MYO10: variants seen among roughly 807,000 people sequenced by gnomAD.
MYO10 encodes unconventional myosin-X.
In MYO10, 133 loss-of-function variants were observed where a neutral mutation model predicts 257.3. The ratio of observed to expected loss-of-function variants is 0.52; its 90% CI spans 0.45 to 0.60. The LOEUF (loss-of-function observed/expected upper bound fraction) is 0.60. MYO10 is among the 20% of genes least tolerant of loss of function. The probability of loss-of-function intolerance (pLI) is 0.00; values close to 1 mark genes in which losing one functional copy is unlikely to be tolerated. For synonymous variants in MYO10, 1,104 were observed against 1,028.6 expected (o/e 1.07, Z -1.40); for missense variants, 2,399 against 2,635.7 (o/e 0.91, Z 1.97).
intron 19 of MYO10, among the ~76,000 whole-genome samples, chr5:16,736,751 G>C (rs1040976752): frequency 1.3e-5 from 2 of 152,156 alleles, no homozygotes; most frequent in Non-Finnish European, 2.9e-5. Context: ...AGAAGAAAAA[G>C]AATGTGGTAG....
At chr5:16,757,106 G>A (rs140096072) in intron 18 of MYO10, among the ~76,000 whole-genome samples, 64 of 140,860 alleles carry the variant, frequency 4.5e-4, no homozygotes, top group Admixed American at 1.0e-3. Flanking sequence ...GTGACAGAGC[G>A]AGACTCTGCC....
At chr5:16,872,416 G>A (rs12152886) in intron 2 of MYO10, among the ~76,000 whole-genome samples, 1 of 152,014 alleles carries the variant, frequency 6.6e-6, no homozygotes, top group African/African-American at 2.4e-5. Context: ...TAGAGTTTCA[G>A]TGCTGCAAGA....
intron 2 of MYO10, among the ~76,000 whole-genome samples, chr5:16,871,136 A>G (rs1051563991): frequency 6.6e-6 from 1 of 152,196 alleles, no homozygotes; most frequent in Admixed American, 6.5e-5. Flanking sequence ...CAAACGTTTC[A>G]TCTTCCAAAA....
At chr5:16,844,408 C>T (rs547870660) in intron 2 of MYO10, among the ~76,000 whole-genome samples, 38 of 150,590 alleles carry the variant, frequency 2.5e-4, no homozygotes, top group South Asian at 1.5e-3. Flanking sequence ...TGGCTCTTCT[C>T]TTTTCATTTT....
At chr5:16,848,839 C>T (rs531298228) in intron 2 of MYO10, among the ~76,000 whole-genome samples, 1 of 152,282 alleles carries the variant, frequency 6.6e-6, no homozygotes, top group Non-Finnish European at 1.5e-5. Context: ...CTCTTCACAG[C>T]ACCTACATAA....
In MYO10 at chr5:16,868,333, G is replaced by GGT. The variant is rs1744344432; in HGVS notation, c.120+9274_120+9275dup. The stretch of plus-strand genomic sequence containing the variant: ...AAAAATCTGCTCTTCAGCTGGGCAC[G>GGT]GTGGCTCATGTCTGTAATCCCAGCA... On this transcript the variant is annotated intron_variant, in intron 2 of 40. Transcript: ENST00000513610. Among the ~76,000 whole-genome samples, 3 of 152,156 alleles carry GGT rather than the reference G, an allele frequency of 2.0e-5. No individual in the cohort carries two copies. The South Asian group carries it at 6.2e-4, about 32-fold the overall frequency.
At chr5:16,749,991 T>C (rs1740334856) in intron 19 of MYO10, among the ~76,000 whole-genome samples, 1 of 152,132 alleles carries the variant, frequency 6.6e-6, no homozygotes, top group Non-Finnish European at 1.5e-5. Context: ...TTTTCTATCT[T>C]AGAGAAATCT....
chr5:16,703,239 C>A lies in MYO10; in HGVS notation c.2277-81G>T, dbSNP rs1458394099. On this transcript the variant is annotated intron_variant, in intron 22 of 40. Coordinates refer to ENST00000513610, the MANE Select transcript of MYO10 (RefSeq NM_012334.3). ...TTCAAATGAGCTCACATCAAGGCTA[C>A]AAGACAAAAGAGGACCCAGTTTTAG... 3 of 1,121,130 alleles carry A rather than the reference C, an allele frequency of 2.7e-6. No homozygotes were observed. In the Admixed American group the frequency reaches 7.6e-5, roughly 28 times the overall value. 69.4% of individuals were successfully genotyped at this position (1,121,130 alleles called of 1,614,324 possible).
At chr5:16,712,132 G>A (rs1175217523) in intron 19 of MYO10, among the ~76,000 whole-genome samples, 2 of 139,300 alleles carry the variant, frequency 1.4e-5, no homozygotes, top group Admixed American at 7.2e-5. Context: ...TGGGGATGGG[G>A]AAGGGGAGAT....
At chr5:16,870,665 G>C (rs1744427620) in intron 2 of MYO10, among the ~76,000 whole-genome samples, 1 of 152,096 alleles carries the variant, frequency 6.6e-6, no homozygotes, top group Non-Finnish European at 1.5e-5. Context: ...GGCCAAGGCG[G>C]GTGAATCATC....
At chr5:16,703,540 A>G (rs1738184260) in intron 22 of MYO10, among the ~76,000 whole-genome samples, 1 of 152,150 alleles carries the variant, frequency 6.6e-6, no homozygotes, top group South Asian at 2.1e-4. Context: ...TGTAACACGT[A>G]GTGTTTCACG....
chr5:16,742,005 G>A (rs1352240810), intron 19 of MYO10: 90 of 985,240 alleles, frequency 9.1e-5, no homozygotes, highest in East Asian at 1.1e-4. Flanking sequence ...CCAGCCTGGC[G>A]AGGCTGACGT....
intron 1 of MYO10, among the ~76,000 whole-genome samples, chr5:16,878,656 A>G (rs1320284593): frequency 6.6e-6 from 1 of 152,206 alleles, no homozygotes; most frequent in African/African-American, 2.4e-5. Flanking sequence ...TCAGCCATAA[A>G]AAGGAATGAA....
chr5:16,888,582 C>T lies in MYO10; in HGVS notation c.22-10875G>A, dbSNP rs561069419. Among the ~76,000 whole-genome samples the T allele has an allele frequency of 9.3e-5, 14 of 150,706 alleles. 1 individual carries two copies. The highest frequency in any genetic ancestry group is 3.4e-4 in the African/African-American group (14 of 40,702). ...TGCACTCCAGCCTGAACAACAAGAG[C>T]GAGACTCCGTCTCAAAAGGAAAAAA... On this transcript the variant is annotated intron_variant, in intron 1 of 40. Transcript: ENST00000513610.
At chr5:16,913,804 C>T (rs1745738880) in intron 1 of MYO10, among the ~76,000 whole-genome samples, 1 of 152,112 alleles carries the variant, frequency 6.6e-6, no homozygotes, top group Admixed American at 6.5e-5. Context: ...CCAAGAACAA[C>T]AGGCCAGGCA....
intron 4 of MYO10, among the ~76,000 whole-genome samples, chr5:16,791,535 A>T (rs1254072909): frequency 2.9e-5 from 3 of 105,118 alleles, no homozygotes; most frequent in Non-Finnish European, 5.7e-5. Context: ...CTTCCGTTTT[A>T]ATACATACAT....
At chr5:16,824,056 C>G (rs1435252287) in intron 2 of MYO10, among the ~76,000 whole-genome samples, 1 of 152,016 alleles carries the variant, frequency 6.6e-6, no homozygotes, top group South Asian at 2.1e-4. Context: ...GGGGGCAGAA[C>G]AAAGGAAACT....
chr5:16,797,060 T>G (rs973004292), intron 3 of MYO10, among the ~76,000 whole-genome samples: 4 of 152,220 alleles, frequency 2.6e-5, no homozygotes. Flanking sequence ...CAATTTGTAA[T>G]ATTTTATATT....
Position 16,887,129 on chromosome 5 carries a change from G to A in MYO10, c.22-9422C>T, listed in dbSNP as rs376687031. On this transcript the variant is annotated intron_variant, in intron 1 of 40. Transcript: ENST00000513610. ...GTCCTTCCCAGCTCTCTAGTGCACC[G>A]GATGGGAAGGATCGAATAGCACCCA... is the stretch of plus-strand genomic sequence containing the variant. Among the ~76,000 whole-genome samples the A allele has an allele frequency of 3.5e-4, 53 of 152,154 alleles. 1 individual carries two copies. Among genetic ancestry groups the A allele is most frequent in the African/African-American group, 1.2e-3 (51 of 41,516 alleles).
Sources: allele counts gnomAD v4.1 joint callset (sites outside exome capture counted in the v4.1 genomes callset), GRCh38; gene constraint gnomAD v4.1.1; transcripts MANE v1.5; gene names NCBI Gene and HGNC (gene_info 2026-07-23, HGNC 2026-07-21).